Variants in CLGN observed in about 807,000 individuals in gnomAD.
CLGN encodes testis tissue sperm-binding protein Li 79P.
In CLGN, 62 loss-of-function variants were observed where a neutral mutation model predicts 79.1. The observed-to-expected ratio is 0.78, with a 90% CI of 0.64 to 0.97. The LOEUF (loss-of-function observed/expected upper bound fraction) is 0.97. CLGN is among the 50% of genes least tolerant of loss of function. The pLI, the probability that CLGN is intolerant of heterozygous loss-of-function variation, is 0.00. For missense variants in CLGN, 647 were observed against 715.5 expected, an observed-to-expected ratio of 0.90 and a Z score of 1.09; for synonymous variants, 225 against 224.7, an observed-to-expected ratio of 1.00 and a Z score of -0.01.
chr4:140,420,158 A>G (rs10519554), intron 1 of CLGN, among the ~76,000 whole-genome samples: 10,975 of 152,050 alleles, frequency 0.072, 541 homozygotes, highest in African/African-American at 0.14. Context: ...CTTTGTTTGA[A>G]CTCTGGTGTA....
chr4:140,410,171 G>A (rs1729184017), intron 3 of CLGN, among the ~76,000 whole-genome samples: 2 of 151,774 alleles, frequency 1.3e-5, no homozygotes, highest in Admixed American at 6.6e-5. Flanking sequence ...GATTAAATAT[G>A]GTAATTATCT....
rs1300401806 is a variant in CLGN at position 140,409,873 on chromosome 4, T to TCTTTG, written c.236_240dup (p.Lys81GlnfsTer22). On this transcript the variant is annotated frameshift_variant, in exon 4 of 15. Coordinates refer to ENST00000325617, the MANE Select transcript of CLGN (RefSeq NM_004362.3). LOFTEE classifies it high-confidence loss of function. Reference sequence around the variant, plus strand: ...GAAATTTCCTCATCCATGTCATCTTTCTTTGCTTTTGATAAGACCCATCTG... The same window carrying TCTTTG: ...GAAATTTCCTCATCCATGTCATCTTTCTTTGCTTTGCTTTTGATAAGACCCATCTG... 3.1e-6 allele frequency: 5 copies of TCTTTG among 1,599,254 alleles called. No individual in the cohort carries two copies. Among genetic ancestry groups the TCTTTG allele is most frequent in the Non-Finnish European group, 4.3e-6 (5 of 1,169,438 alleles).
chr4:140,400,360 G>A lies in CLGN; in HGVS notation c.691C>T (p.Leu231Phe), dbSNP rs1419659300. The A allele has an allele frequency of 1.3e-6, 2 of 1,586,270 alleles. No homozygotes were observed. Among genetic ancestry groups the A allele is most frequent in the Non-Finnish European group, 1.7e-6 (2 of 1,159,878 alleles). Residue 231 changes from leucine (L) to phenylalanine (F), a missense_variant, in exon 7 of 15, where the codon CTT becomes TTT. Physicochemically the swap from Leu to Phe is conservative, Grantham distance 22 (BLOSUM62 0). Coordinates refer to ENST00000325617, the MANE Select transcript of CLGN (RefSeq NM_004362.3). Reference protein sequence around the residue: ...FTDRKTHLYTLVMNPDDTFEV... With the variant: ...FTDRKTHLYTFVMNPDDTFEV... Reference sequence around the variant, plus strand: ...TGAATGAATTAAAAGGGTATACCAAGGGTATAAAGATGAGTCTTCCTGTCT... The same window carrying A: ...TGAATGAATTAAAAGGGTATACCAAAGGTATAAAGATGAGTCTTCCTGTCT...
At chr4:140,413,869 C>T (rs983742657) in intron 1 of CLGN, among the ~76,000 whole-genome samples, 2 of 152,254 alleles carry the variant, frequency 1.3e-5, no homozygotes, top group African/African-American at 4.8e-5. Context: ...CTCAAGGAGG[C>T]CTGCCTGCCT....
intron 13 of CLGN, among the ~76,000 whole-genome samples, chr4:140,391,823 G>A (rs1344559766): frequency 3.3e-5 from 5 of 151,802 alleles, no homozygotes; most frequent in African/African-American, 4.8e-5. Flanking sequence ...GGAAGACTTG[G>A]TGTTGATTTT....
intron 5 of CLGN, among the ~76,000 whole-genome samples, chr4:140,402,984 CAAG>C (rs1450183372): frequency 2.0e-5 from 3 of 151,780 alleles, no homozygotes; most frequent in Non-Finnish European, 2.9e-5. Context: ...AATTTAGTGA[CAAG>C]AAGGTAAAAC....
chr4:140,426,318 A>G (rs1729566392), intron 1 of CLGN, among the ~76,000 whole-genome samples: 1 of 152,250 alleles, frequency 6.6e-6, no homozygotes, highest in Non-Finnish European at 1.5e-5. Flanking sequence ...TTTATTAGGT[A>G]CTTAAAAAGT....
At chr4:140,413,408 AGAAGAC>A (rs1442597387) in intron 1 of CLGN, among the ~76,000 whole-genome samples, 2 of 152,178 alleles carry the variant, frequency 1.3e-5, no homozygotes, top group African/African-American at 4.8e-5. Flanking sequence ...TGAGCGACGC[AGAAGAC>A]GGGTGATTTC....
At position 140,393,977 on chromosome 4, in the gene CLGN, A is replaced by G. The variant is rs1728823241; in HGVS notation, c.1214T>C (p.Leu405Pro). The part of the protein sequence containing the change: ...DYFEDDHPFL[L>P]TSFSALGLEL... ...TAAACCAAGAGCACTGAAAGAAGTC[A>G]GAAGAAATGGATGATCATCTTCGAA... Residue 405 changes from leucine (L) to proline (P), a missense_variant, in exon 11 of 15, where the codon CTG becomes CCG. Leu to Pro is a moderately conservative substitution (Grantham distance 98, BLOSUM62 -3). Coordinates refer to ENST00000325617, the MANE Select transcript of CLGN (RefSeq NM_004362.3). The G allele has an allele frequency of 1.2e-6, 2 of 1,613,750 alleles. No homozygotes were observed. The highest frequency in any genetic ancestry group is 1.7e-6 in the Non-Finnish European group (2 of 1,179,766).
chr4:140,400,604 A>C, intron 6 of CLGN, 55 bp from the exon 7 acceptor site: 1 of 1,142,788 alleles, frequency 8.8e-7, no homozygotes, highest in Admixed American at 2.5e-5. Context: ...TATTTAATGC[A>C]TTTCTGTATT....
chr4:140,409,689 T>G (rs1314946226), intron 4 of CLGN, 148 bp downstream of exon 4: 1 of 451,994 alleles, frequency 2.2e-6, no homozygotes, highest in African/African-American at 2.1e-5. Context: ...TCAGAAATAT[T>G]GAAGAGGGAC....
At chr4:140,396,926 C>CATAT (rs1274989691) in intron 8 of CLGN, among the ~76,000 whole-genome samples, 5 of 121,946 alleles carry the variant, frequency 4.1e-5, no homozygotes, top group African/African-American at 6.8e-5. Context: ...TATATATACA[C>CATAT]ATATATATAT....
At chr4:140,419,238 G>T (rs2043158) in intron 1 of CLGN, among the ~76,000 whole-genome samples, 90,447 of 151,888 alleles carry the variant, frequency 0.6, 28,004 homozygotes, top group Non-Finnish European at 0.7. Context: ...AGCATTGGGA[G>T]TTATACCTAA....
intron 13 of CLGN, 26 bp downstream of exon 13, chr4:140,392,193 A>T (rs773210871): frequency 6.2e-7 from 1 of 1,607,902 alleles, no homozygotes; most frequent in South Asian, 1.1e-5. Context: ...CAGAGTCTCC[A>T]TTATAAATCA....
In CLGN at chr4:140,413,036, T is replaced by G; in HGVS notation, c.43A>C (p.Ile15Leu). The G allele has an allele frequency of 6.2e-7, 1 of 1,613,294 alleles. No homozygotes were observed. Among genetic ancestry groups the G allele is most frequent in the Non-Finnish European group, 8.5e-7 (1 of 1,179,508 alleles). ...TCCATAAATTCTGCATTAATTGAGA[T>G]GAACAGAAGACCCAAACATAGCCAA... ...AFWLCLGLLFISINAEFMDDD... is the reference protein window; with the variant it reads ...AFWLCLGLLFLSINAEFMDDD... The change falls in exon 2 of 15, where the codon ATC becomes CTC. Residue 15 changes from isoleucine to leucine, a missense_variant. By Grantham distance (5) the Ile-to-Leu change is conservative. Coordinates refer to ENST00000325617, the MANE Select transcript of CLGN (RefSeq NM_004362.3).
intron 5 of CLGN, among the ~76,000 whole-genome samples, 163 bp downstream of exon 5, chr4:140,405,779 G>C (rs1430671919): frequency 6.6e-6 from 1 of 152,200 alleles, no homozygotes; most frequent in East Asian, 1.9e-4. Flanking sequence ...TTTATTGAAA[G>C]CATGGATATG....
intron 5 of CLGN, among the ~76,000 whole-genome samples, chr4:140,404,898 T>TGCCCACCTAG (rs1729070402): frequency 6.6e-6 from 1 of 151,630 alleles, no homozygotes; most frequent in Admixed American, 6.6e-5. Flanking sequence ...TCAAGCTGTC[T>TGCCCACCTAG]GCCCACCTAG....
chr4:140,410,451 T>A (rs1729188538), intron 3 of CLGN, 102 bp downstream of exon 3: 1 of 750,964 alleles, frequency 1.3e-6, no homozygotes, highest in Non-Finnish European at 2.3e-6. Context: ...ACTTTAAAAT[T>A]TTTTATAGAT....
intron 1 of CLGN, among the ~76,000 whole-genome samples, chr4:140,422,914 G>C (rs1361673103): frequency 6.6e-6 from 1 of 152,122 alleles, no homozygotes; most frequent in Non-Finnish European, 1.5e-5. Flanking sequence ...ACCATGCCTG[G>C]CCTTCATTTA....
Sources: gnomAD v4.1 joint callset for allele counts (sites outside exome capture counted in the v4.1 genomes callset) on GRCh38, gnomAD v4.1.1 for gene constraint, MANE v1.5 for transcripts, NCBI Gene and HGNC (gene_info 2026-07-23, HGNC 2026-07-21) for gene names.